Variants in TMPRSS2 observed in about 807,000 individuals in gnomAD.
The protein encoded by TMPRSS2 is transmembrane protease serine 2.
TMPRSS2 carries 59 observed loss-of-function variants against 67.4 expected under a neutral mutation model. The ratio of observed to expected loss-of-function variants is 0.88; its 90% CI spans 0.71 to 1.09. TMPRSS2 has a LOEUF of 1.09. TMPRSS2 is among the 50% of genes least tolerant of loss of function. The pLI is 0.00. For synonymous variants in TMPRSS2, 257 were observed against 257.0 expected (o/e 1.00, Z 0.00); for missense variants, 668 against 642.7 (o/e 1.04, Z -0.43).
chr21:41,466,607 G>T (rs905527386), intron 13 of TMPRSS2, among the ~76,000 whole-genome samples: 1 of 152,156 alleles, frequency 6.6e-6, no homozygotes, highest in Non-Finnish European at 1.5e-5. Context: ...TTCTAGCACT[G>T]GGCCCTGGGC....
chr21:41,492,830 C>A (rs1337305373), intron 3 of TMPRSS2, among the ~76,000 whole-genome samples: 13 of 152,206 alleles, frequency 8.5e-5, no homozygotes, highest in Non-Finnish European at 1.3e-4. Flanking sequence ...CTGGTGGGAA[C>A]ACCACCGTCT....
In TMPRSS2 at chr21:41,473,435, G is replaced by A; in HGVS notation, c.789C>T (p.Leu263=). The part of the protein sequence containing the change: ...QSRIVGGESA[L]PGAWPWQVSL... ...TGACCTGCCAGGGCCAGGCCCCCGG[G>A]AGCGCGCTCTCGCCGCCCACAATCC... Residue 263 remains leucine (L), a synonymous_variant, in exon 9 of 14, where the codon CTC becomes CTT. Transcript: ENST00000332149. 5 of 1,610,406 alleles carry A rather than the reference G, an allele frequency of 3.1e-6. No individual in the cohort carries two copies. The highest frequency in any genetic ancestry group is 1.3e-5 in the African/African-American group (1 of 75,024).
rs961229734 is a variant in TMPRSS2, at chr21:41,489,235, T to A, written c.325+272A>T. On this transcript the variant is annotated intron_variant, in intron 4 of 13. Coordinates refer to ENST00000332149, the MANE Select transcript of TMPRSS2 (RefSeq NM_005656.4). ...CCACTGCTGTGCAGTGAGATACAGG[T>A]AACTGGGTGTGGCCCCAAGGTAGAA... is the stretch of plus-strand genomic sequence containing the variant. Among the ~76,000 whole-genome samples, 9 of 152,122 alleles carry A rather than the reference T, an allele frequency of 5.9e-5. No individual in the cohort carries two copies. In the South Asian group the frequency reaches 1.0e-3, roughly 17 times the overall value.
rs1207329844 is a variant in TMPRSS2 at position 41,494,588 on chromosome 21, T to C, written c.16-10A>G. The stretch of plus-strand genomic sequence containing the variant: ...TAGCTGGTGGTGACCCCTAAACAGT[T>C]GAAAAGAAGATGAATAATATAAAAC... On this transcript the variant is annotated splice_polypyrimidine_tract_variant and intron_variant, in intron 2 of 13. Coordinates refer to ENST00000332149, the MANE Select transcript of TMPRSS2 (RefSeq NM_005656.4). 2 of 1,611,578 alleles carry C rather than the reference T, an allele frequency of 1.2e-6. No homozygotes were observed. Among genetic ancestry groups the C allele is most frequent in the African/African-American group, 2.7e-5 (2 of 74,742 alleles).
rs559637785 is a variant in TMPRSS2 at position 41,478,310 on chromosome 21, G to A, written c.683+862C>T. Among the ~76,000 whole-genome samples, 7 of 152,274 alleles carry A rather than the reference G, an allele frequency of 4.6e-5. No individual in the cohort carries two copies. The highest frequency in any genetic ancestry group is 3.9e-4 in the East Asian group (2 of 5,166). ...GGCTCCCACTCAGAGGAAAGGTGGC[G>A]CGGGGTGATTAGTTCATCCTCCCCC... On this transcript the variant is annotated intron_variant, in intron 7 of 13. Transcript: ENST00000332149. The surrounding 1 kb of genome is among the most constrained non-coding windows in gnomAD (Gnocchi z 4.0).
intron 1 of TMPRSS2, chr21:41,502,676 G>A (rs1244481845): frequency 1.9e-5 from 15 of 772,260 alleles, no homozygotes; most frequent in Non-Finnish European, 2.4e-5. Flanking sequence ...GATTTCAGTG[G>A]CTGTTCAGCA....
rs923545665 is a variant in TMPRSS2, at chr21:41,494,299, G to A, written c.238+57C>T. The A allele has an allele frequency of 4.4e-6, 7 of 1,578,758 alleles. No homozygotes were observed. In the African/African-American group the frequency reaches 6.8e-5, roughly 15 times the overall value. Reference sequence around the variant, plus strand: ...TGTTGGGAGCAGAGAGCCCACTGGGGAGGTAGACCCGGGACCCCGGGTTTA... The same window carrying A: ...TGTTGGGAGCAGAGAGCCCACTGGGAAGGTAGACCCGGGACCCCGGGTTTA... On this transcript the variant is annotated intron_variant, in intron 3 of 13. Transcript: ENST00000332149.
rs762050506 is a variant in TMPRSS2 at position 41,473,493 on chromosome 21, C to A, written c.731G>T (p.Cys244Phe). The change falls in exon 9 of 14, where the codon TGC (cysteine) becomes TTC (phenylalanine). Residue 244 changes from cysteine (C) to phenylalanine (F), a missense_variant. By Grantham distance (205) the Cys-to-Phe change is radical. Transcript: ENST00000332149. ...KAVVSLRCIA[C>F]GVNLNSSRQS... ...GCGGCTTGAGTTCAAGTTGACCCCGCAGGCTGAGGATGACAAACAGGAGGC... is the reference window on the plus strand; with the variant it reads ...GCGGCTTGAGTTCAAGTTGACCCCGAAGGCTGAGGATGACAAACAGGAGGC... 6.2e-7 allele frequency: 1 copy of A among 1,606,512 alleles called. No homozygotes were observed. The highest frequency in any genetic ancestry group is 2.2e-5 in the East Asian group (1 of 44,636).
intron 8 of TMPRSS2, 109 bp from the exon 9 acceptor site, chr21:41,473,605 G>T: frequency 1.6e-6 from 2 of 1,251,012 alleles, no homozygotes; most frequent in South Asian, 1.4e-5. Context: ...CAGGGCAGGG[G>T]CACCACTGCT....
Position 41,471,997 on chromosome 21 carries a change from G to A in TMPRSS2, c.900-16C>T. The A allele has an allele frequency of 6.3e-7, 1 of 1,580,470 alleles. No homozygotes were observed. Among genetic ancestry groups the A allele is most frequent in the Non-Finnish European group, 8.6e-7 (1 of 1,158,786 alleles). On this transcript the variant is annotated splice_polypyrimidine_tract_variant and intron_variant, in intron 9 of 13. Transcript: ENST00000332149. ...GTTAAGAGGTCTGGGAGAGAAGAAG[G>A]ACTCAGTATCTCAGAGCCATAAACA...
chr21:41,471,089 G>A (rs192334131), intron 10 of TMPRSS2, among the ~76,000 whole-genome samples: 53 of 152,264 alleles, frequency 3.5e-4, no homozygotes, highest in South Asian at 1.5e-3. Context: ...GTCAGCTTTC[G>A]CCCCAGAGGC....
intron 10 of TMPRSS2, among the ~76,000 whole-genome samples, chr21:41,471,579 TCAC>T (rs1422021833): frequency 2.0e-5 from 3 of 152,146 alleles, no homozygotes; most frequent in Non-Finnish European, 2.9e-5. Context: ...CTGGCTTGAA[TCAC>T]CACCACTCAG....
intron 1 of TMPRSS2, 189 bp downstream of exon 1, chr21:41,507,892 C>G (rs1288727751): frequency 1.3e-6 from 2 of 1,488,146 alleles, no homozygotes; most frequent in South Asian, 1.2e-5. Flanking sequence ...ACTCTCCCAG[C>G]ACCCCGGGAG....
intron 1 of TMPRSS2, 128 bp from the exon 2 acceptor site, chr21:41,498,317 C>T (rs2091400285): frequency 1.6e-6 from 1 of 624,528 alleles, no homozygotes; most frequent in Non-Finnish European, 2.8e-6. Flanking sequence ...TGCCTGCTGA[C>T]CTTTGGCCTG....
chr21:41,483,410 A>C (rs1289202356), intron 5 of TMPRSS2, among the ~76,000 whole-genome samples: 1 of 151,816 alleles, frequency 6.6e-6, no homozygotes, highest in Non-Finnish European at 1.5e-5. Context: ...CAGCCTCATG[A>C]GTAGCTGGGA....
chr21:41,500,806 T>C (rs998657974), intron 1 of TMPRSS2, among the ~76,000 whole-genome samples: 2 of 152,210 alleles, frequency 1.3e-5, no homozygotes, highest in African/African-American at 4.8e-5. Flanking sequence ...TTAACAGACC[T>C]TGCCTATGTC....
intron 10 of TMPRSS2, among the ~76,000 whole-genome samples, 175 bp from the exon 11 acceptor site, chr21:41,470,918 C>A (rs1462967464): frequency 1.3e-5 from 2 of 152,210 alleles, no homozygotes; most frequent in Non-Finnish European, 2.9e-5. Context: ...CTCCTTCTGG[C>A]AGGCAAGACG....
intron 13 of TMPRSS2, among the ~76,000 whole-genome samples, chr21:41,466,668 G>C (rs965842115): frequency 6.6e-6 from 1 of 152,190 alleles, no homozygotes; most frequent in Non-Finnish European, 1.5e-5. Context: ...TGAGTCCCGC[G>C]TGTCATTTGA....
intron 1 of TMPRSS2, 96 bp from the exon 2 acceptor site, chr21:41,498,285 T>C (rs1332650329): frequency 5.0e-6 from 4 of 800,934 alleles, no homozygotes; most frequent in African/African-American, 1.7e-5. Context: ...AGATGAAGGT[T>C]ACCTACAACA....
Sources: gnomAD v4.1 joint callset for allele counts (sites outside exome capture counted in the v4.1 genomes callset) on GRCh38, gnomAD v4.1.1 for gene constraint, Gnocchi (gnomAD v3.1) non-coding constraint, MANE v1.5 for transcripts, NCBI Gene and HGNC (gene_info 2026-07-23, HGNC 2026-07-21) for gene names.